Variants in A3GALT2 observed in about 807,000 individuals in gnomAD.
A3GALT2 encodes alpha 1,3-galactosyltransferase 2.
A neutral mutation model predicts 16.6 loss-of-function variants in A3GALT2; 14 were observed. The observed-to-expected ratio is 0.84, with a 90% CI of 0.56 to 1.32. A3GALT2 has a LOEUF of 1.32. Among genes scored for constraint, A3GALT2 ranks in the 40% most tolerant of loss-of-function variants. The probability of loss-of-function intolerance (pLI) is 0.00; values close to 1 mark genes in which losing one functional copy is unlikely to be tolerated. For missense variants in A3GALT2, 600 were observed against 490.9 expected (o/e 1.22, Z -2.10); for synonymous variants, 253 against 218.0 (o/e 1.16, Z -1.42).
intron 1 of A3GALT2, among the ~76,000 whole-genome samples, chr1:33,313,172 G>GC: frequency 8.5e-3 from 1 of 118 alleles, no homozygotes; most frequent in African/African-American, 0.028. Context: ...GCTCAGTGAC[G>GC]GAGTTTTTTT....
Position 33,307,414 on chromosome 1 carries a change from C to T in A3GALT2, c.375G>A (p.Ala125=), listed in dbSNP as rs1409231557. Residue 125 remains alanine, a synonymous_variant, in exon 5 of 5, where the codon GCG becomes GCA. Transcript: ENST00000442999. ...TCTGGCCCGCCATGAAGTGCTGCTC[C>T]GCCGTCTCCAGGAAGCGCTCCAGGT... ...EKYLERFLET[A]EQHFMAGQSV... is the part of the protein sequence containing the mutation. 2 of 1,552,482 alleles carry T rather than the reference C, an allele frequency of 1.3e-6. No individual in the cohort carries two copies. Among genetic ancestry groups the T allele is most frequent in the South Asian group, 1.1e-5 (1 of 87,460 alleles).
intron 4 of A3GALT2, among the ~76,000 whole-genome samples, chr1:33,310,015 T>C (rs1038274508): frequency 1.3e-5 from 2 of 152,228 alleles, no homozygotes; most frequent in African/African-American, 4.8e-5. Flanking sequence ...CTGGGCAACA[T>C]TGAGCACTGA....
intron 4 of A3GALT2, among the ~76,000 whole-genome samples, chr1:33,308,754 T>TTTTTTTTTG (rs1646216820): frequency 1.1e-5 from 1 of 94,200 alleles, no homozygotes; most frequent in African/African-American, 6.8e-5. Context: ...AAAGTTGTTT[T>TTTTTTTTTG]TTTTTTTTTT....
rs1257021810 is a variant in A3GALT2 at position 33,307,049 on chromosome 1, C to A, written c.740G>T (p.Gly247Val). ...DAHSAAAMAW[G>V]QGDFYNHAAV... ...CGCGTGGTTATAGAAGTCGCCCTGG[C>A]CCCACGCCATCGCGGCGGCCGAATG... The change falls in exon 5 of 5, where the codon GGC (glycine) becomes GTC (valine). Residue 247 changes from glycine (G) to valine (V), a missense_variant. Physicochemically the swap from Gly to Val is moderately radical, Grantham distance 109. Transcript: ENST00000442999. The A allele has an allele frequency of 4.0e-6, 6 of 1,509,198 alleles. No individual in the cohort carries two copies. The highest frequency in any genetic ancestry group is 5.3e-6 in the Non-Finnish European group (6 of 1,132,524). 93.5% of individuals were successfully genotyped at this position (1,509,198 alleles called of 1,614,324 possible).
Position 33,306,950 on chromosome 1 carries a change from C to T in A3GALT2, c.839G>A (p.Arg280His). 2 of 1,507,126 alleles carry T rather than the reference C, an allele frequency of 1.3e-6. No homozygotes were observed. Among genetic ancestry groups the T allele is most frequent in the South Asian group, 2.5e-5 (2 of 80,462 alleles). The allele number at this position is 1,507,126 out of a possible 1,614,324, so 93.4% of individuals were successfully genotyped here. ...CCAGCGCGCCTCCAGGCCGCGCGCG[C>T]GGTCCCAGTCCAGGCCCCCCGCACA... ...AHCAGGLDWD[R>H]ARGLEARWHD... The change falls in exon 5 of 5, where the codon CGC becomes CAC. Residue 280 changes from arginine to histidine, a missense_variant. Transcript: ENST00000442999.
chr1:33,307,486 T>G, intron 4 of A3GALT2, 33 bp from the exon 5 acceptor site: 1 of 1,424,282 alleles, frequency 7.0e-7, no homozygotes, highest in Non-Finnish European at 9.2e-7. Context: ...AGCCTGAGAG[T>G]GAAGCGAGGC....
chr1:33,317,646 T>C (rs1379032078), intron 1 of A3GALT2, among the ~76,000 whole-genome samples: 1 of 152,120 alleles, frequency 6.6e-6, no homozygotes, highest in Non-Finnish European at 1.5e-5. Context: ...CCCATAGCCT[T>C]CTCTGAAAAA....
At chr1:33,310,937 G>T (rs1052137658) in intron 4 of A3GALT2, among the ~76,000 whole-genome samples, 1 of 152,166 alleles carries the variant, frequency 6.6e-6, no homozygotes, top group African/African-American at 2.4e-5. Flanking sequence ...GGCAGCCCTT[G>T]GTCCTTTTCA....
At chr1:33,313,002 A>G in intron 1 of A3GALT2, 112 bp from the exon 2 acceptor site, 2 of 861,470 alleles carry the variant, frequency 2.3e-6, no homozygotes, top group South Asian at 3.0e-5. Context: ...GTTCTTCTGC[A>G]TGAAGGTAGC....
intron 2 of A3GALT2, 89 bp from the exon 3 acceptor site, chr1:33,312,679 G>A: frequency 2.1e-6 from 3 of 1,449,792 alleles, no homozygotes; most frequent in Non-Finnish European, 2.9e-6. Context: ...CTTACAAGGA[G>A]AGAGAGCTCA....
At position 33,306,985 on chromosome 1, in the gene A3GALT2, C is replaced by G. The variant is rs757080728; in HGVS notation, c.804G>C (p.Leu268=). The change falls in exon 5 of 5, where the codon CTG becomes CTC. Residue 268 remains leucine, a synonymous_variant. Transcript: ENST00000442999. The stretch of plus-strand genomic sequence containing the variant: ...CCAGGCCCCCCGCACAGTGCGCCGT[C>G]AGCCCGCGCAGCGCCGCCACGCTGC... ...FGGSVAALRG[L]TAHCAGGLDW... 9.0e-5 allele frequency: 132 copies of G among 1,466,808 alleles called. 1 individual carries two copies. The highest frequency in any genetic ancestry group is 1.5e-5 in the African/African-American group (1 of 67,714). The allele number at this position is 1,466,808 out of a possible 1,614,324, so 90.9% of individuals were successfully genotyped here.
At chr1:33,315,853 A>C (rs775354829) in intron 1 of A3GALT2, among the ~76,000 whole-genome samples, 2 of 152,198 alleles carry the variant, frequency 1.3e-5, no homozygotes, top group Non-Finnish European at 2.9e-5. Context: ...GCACTGTGCT[A>C]AGTCAGGGAT....
chr1:33,315,460 G>A (rs752112067), intron 1 of A3GALT2, among the ~76,000 whole-genome samples: 5 of 151,952 alleles, frequency 3.3e-5, no homozygotes, highest in Non-Finnish European at 7.4e-5. Context: ...CAGGAGGATC[G>A]CTTGAGCCCA....
chr1:33,312,209 G>A lies in A3GALT2; in HGVS notation c.198-20C>T, dbSNP rs1646236356. 5 of 1,611,936 alleles carry A rather than the reference G, an allele frequency of 3.1e-6. No homozygotes were observed. The highest frequency in any genetic ancestry group is 1.7e-5 in the Admixed American group (1 of 59,830). ...CGGGCCCTGGCCAGGGCAGGGATGG[G>A]AAATGGAAATAGCTCCATTCATCCA... On this transcript the variant is annotated intron_variant, in intron 3 of 4. Transcript: ENST00000442999.
chr1:33,316,397 G>C (rs1248791033), intron 1 of A3GALT2, among the ~76,000 whole-genome samples: 1 of 152,000 alleles, frequency 6.6e-6, no homozygotes, highest in Non-Finnish European at 1.5e-5. Flanking sequence ...TTTCCTCTGG[G>C]GAGTGACTCA....
rs1418927165 is a variant in A3GALT2 at position 33,307,086 on chromosome 1, C to T, written c.703G>A (p.Glu235Lys). 6.6e-7 allele frequency: 1 copy of T among 1,522,636 alleles called. No homozygotes were observed. Among genetic ancestry groups the T allele is most frequent in the South Asian group, 1.2e-5 (1 of 81,562 alleles). 94.3% of individuals were successfully genotyped at this position (1,522,636 alleles called of 1,614,324 possible). The change falls in exon 5 of 5, where the codon GAA becomes AAA. Residue 235 changes from glutamate (E) to lysine (K), a missense_variant. Transcript: ENST00000442999. ...YHWPSWLLPFERDAHSAAAMA... is the reference protein window; with the variant it reads ...YHWPSWLLPFKRDAHSAAAMA... Reference sequence around the variant, plus strand: ...GCGGCGGCCGAATGCGCGTCGCGTTCGAAGGGCAGCAGCCACGACGGCCAG... The same window carrying T: ...GCGGCGGCCGAATGCGCGTCGCGTTTGAAGGGCAGCAGCCACGACGGCCAG...
Position 33,311,711 on chromosome 1 carries a change from T to C in A3GALT2, c.335+341A>G, listed in dbSNP as rs185277491. On this transcript the variant is annotated intron_variant, in intron 4 of 4. Transcript: ENST00000442999. The stretch of plus-strand genomic sequence containing the variant: ...TACTTACCCAGTCACACTCCCCTCC[T>C]CTCACCACTCTCACCTGAAAGACTC... Among the ~76,000 whole-genome samples, 698 of 152,246 alleles carry C rather than the reference T, an allele frequency of 4.6e-3. 1 individual carries two copies. Among genetic ancestry groups the C allele is most frequent in the Middle Eastern group, 0.01 (3 of 294 alleles).
At chr1:33,313,406 G>A (rs944286011) in intron 1 of A3GALT2, 11 of 150,686 alleles carry the variant, frequency 7.3e-5, no homozygotes, top group African/African-American at 2.5e-4. Context: ...CTCAGCTCAA[G>A]CAATCCTCCC....
At position 33,307,324 on chromosome 1, in the gene A3GALT2, T is replaced by C. The variant is rs757324116; in HGVS notation, c.465A>G (p.Gly155=). ...GAVPRVALGP[G]RRLPVERVAR... Reference sequence around the variant, plus strand: ...CCACGCGCTCCACGGGCAGCCGGCGTCCCGGGCCCAGCGCCACGCGGGGCA... The same window carrying C: ...CCACGCGCTCCACGGGCAGCCGGCGCCCCGGGCCCAGCGCCACGCGGGGCA... The change falls in exon 5 of 5, where the codon GGA becomes GGG. Residue 155 remains glycine (G), a synonymous_variant. Coordinates refer to ENST00000442999, the MANE Select transcript of A3GALT2 (RefSeq NM_001080438.1). 1.5e-5 allele frequency: 22 copies of C among 1,513,784 alleles called. No homozygotes were observed. The East Asian group carries it at 5.4e-4, about 37-fold the overall frequency. 93.8% of individuals were successfully genotyped at this position (1,513,784 alleles called of 1,614,324 possible). A position where few individuals can be genotyped will look rare whatever the true frequency, so the allele number is the denominator to read the frequency against.
Sources: allele counts gnomAD v4.1 joint callset (sites outside exome capture counted in the v4.1 genomes callset), GRCh38; gene constraint gnomAD v4.1.1; transcripts MANE v1.5; gene names NCBI Gene and HGNC (gene_info 2026-07-23, HGNC 2026-07-21).